MYNN: variants seen among roughly 807,000 people sequenced by gnomAD.
MYNN encodes the protein myoneurin, also known as zinc finger and BTB domain-containing protein 31.
Under a neutral mutation model 57.2 loss-of-function variants are expected in MYNN, and 22 were observed. The observed-to-expected ratio is 0.38, with a 90% confidence interval of 0.27 to 0.55. The LOEUF (loss-of-function observed/expected upper bound fraction) is 0.55. Ranked by LOEUF, MYNN falls within the 20% of genes least tolerant of loss-of-function variation. The probability of loss-of-function intolerance (pLI) is 0.71; values close to 1 mark genes in which losing one functional copy is unlikely to be tolerated. For synonymous variants in MYNN, 241 were observed against 257.1 expected, an observed-to-expected ratio of 0.94 and a Z score of 0.60; for missense variants, 566 against 723.1, an observed-to-expected ratio of 0.78 and a Z score of 2.49.
Position 169,782,655 on chromosome 3 carries a change from A to G in MYNN, c.1399+12A>G. 2.5e-6 allele frequency: 4 copies of G among 1,605,012 alleles called. No homozygotes were observed. Among genetic ancestry groups the G allele is most frequent in the Non-Finnish European group, 2.5e-6 (3 of 1,176,844 alleles). On this transcript the variant is annotated intron_variant, in intron 5 of 7. Transcript: ENST00000349841. The surrounding 1 kb of genome is among the most constrained non-coding windows in gnomAD (Gnocchi z 4.8). ...TCGAAAACATACAGGTAAGTTTGACAGGGAGAGACTGCTTAAAATAAAGTT... is the reference window on the plus strand; with the variant it reads ...TCGAAAACATACAGGTAAGTTTGACGGGGAGAGACTGCTTAAAATAAAGTT...
At chr3:169,784,525 A>T in intron 6 of MYNN, 97 bp from the exon 7 acceptor site, 1 of 723,106 alleles carries the variant, frequency 1.4e-6, no homozygotes, top group Non-Finnish European at 2.3e-6. Flanking sequence ...TTTAAACACT[A>T]TAATAATTTT....
rs1778722584 is a variant in MYNN at position 169,788,080 on chromosome 3, AAT to A, written c.*1405_*1406del. 6.6e-6 allele frequency: 1 copy of A among 151,984 alleles called. No individual in the cohort carries two copies. The highest frequency in any genetic ancestry group is 2.4e-5 in the African/African-American group (1 of 41,388). 9.4% of individuals were successfully genotyped at this position (151,984 alleles called of 1,614,324 possible). ...TTTAAACTACACCTGTAGTACAGTT[AAT>A]ATGTTTTTTATTGGTATTGATTTCT... is the stretch of plus-strand genomic sequence containing the variant. On this transcript the variant is annotated 3_prime_UTR_variant, in exon 8 of 8. Transcript: ENST00000349841.
intron 7 of MYNN, among the ~76,000 whole-genome samples, chr3:169,785,221 G>C (rs1218564391): frequency 6.6e-6 from 1 of 151,974 alleles, no homozygotes; most frequent in Non-Finnish European, 1.5e-5. Flanking sequence ...TCTTGAAAAA[G>C]TTTCCCTGTG....
intron 7 of MYNN, among the ~76,000 whole-genome samples, chr3:169,785,984 A>G (rs1778665579): frequency 6.6e-6 from 1 of 152,060 alleles, no homozygotes. Context: ...TGAAAAGAGT[A>G]TTTCTTATCA....
chr3:169,773,437 T>C lies in MYNN; in HGVS notation c.-57T>C, dbSNP rs986562535. On this transcript the variant is annotated 5_prime_UTR_variant, in exon 1 of 8. Coordinates refer to ENST00000349841, the MANE Select transcript of MYNN (RefSeq NM_018657.5). ...GATGGCGGAGACAGAGTGAAGAAAC[T>C]GTGTTCCCCCCTTGGGTTGCTATCG... 1 of 152,264 alleles carries C rather than the reference T, an allele frequency of 6.6e-6. No individual in the cohort carries two copies. Among genetic ancestry groups the C allele is most frequent in the South Asian group, 2.1e-4 (1 of 4,832 alleles). The allele number at this position is 152,264 out of a possible 1,614,324, so 9.4% of individuals were successfully genotyped here. A position where few individuals can be genotyped will look rare whatever the true frequency, so the allele number is the denominator to read the frequency against.
Position 169,779,309 on chromosome 3 carries a change from A to G in MYNN, c.808A>G (p.Lys270Glu). The G allele has an allele frequency of 2.5e-6, 4 of 1,614,200 alleles. No individual in the cohort carries two copies. The highest frequency in any genetic ancestry group is 3.4e-6 in the Non-Finnish European group (4 of 1,180,044). Residue 270 changes from lysine to glutamate, a missense_variant, in exon 3 of 8, where the codon AAA becomes GAA. By Grantham distance (56) the Lys-to-Glu change is moderately conservative. This residue lies in a region of MYNN where 261 missense variants were observed against 280.8 expected (regional missense o/e 0.93). Coordinates refer to ENST00000349841, the MANE Select transcript of MYNN (RefSeq NM_018657.5). ...RGKSQPNCAL[K>E]EHSMSNIASV... ...AAAATCACAGCCAAACTGTGCTCTG[A>G]AAGAACACTCTATGTCTAATATAGC...
At position 169,787,089 on chromosome 3, in the gene MYNN, G is replaced by A. The variant is rs1262930098; in HGVS notation, c.*411G>A. 1.2e-5 allele frequency: 2 copies of A among 169,504 alleles called. No homozygotes were observed. The highest frequency in any genetic ancestry group is 4.8e-5 in the African/African-American group (2 of 41,796). 10.5% of individuals were successfully genotyped at this position (169,504 alleles called of 1,614,324 possible). On this transcript the variant is annotated 3_prime_UTR_variant, in exon 8 of 8. Transcript: ENST00000349841. Reference sequence around the variant, plus strand: ...AATCCACGATAGTATCAGCCCAAGAGTGTGTTGCTATTTGTAAGCCCCATG... The same window carrying A: ...AATCCACGATAGTATCAGCCCAAGAATGTGTTGCTATTTGTAAGCCCCATG...
At chr3:169,780,180 C>G (rs923916802) in intron 3 of MYNN, 2 of 156,112 alleles carry the variant, frequency 1.3e-5, no homozygotes, top group Non-Finnish European at 2.8e-5. Context: ...GCCTCAGCCT[C>G]CCGAGTAGCT....
Position 169,773,429 on chromosome 3 carries a change from G to T in MYNN, c.-65G>T, listed in dbSNP as rs1176901762. On this transcript the variant is annotated 5_prime_UTR_variant, in exon 1 of 8. It removes the in-frame stop codon of an upstream open reading frame in the 5' UTR. Coordinates refer to ENST00000349841, the MANE Select transcript of MYNN (RefSeq NM_018657.5). ...CCTCCCAAGATGGCGGAGACAGAGT[G>T]AAGAAACTGTGTTCCCCCCTTGGGT... 1 of 152,386 alleles carries T rather than the reference G, an allele frequency of 6.6e-6. No individual in the cohort carries two copies. The highest frequency in any genetic ancestry group is 1.9e-4 in the East Asian group (1 of 5,210). 9.4% of individuals were successfully genotyped at this position (152,386 alleles called of 1,614,324 possible). A position where few individuals can be genotyped will look rare whatever the true frequency, so the allele number is the denominator to read the frequency against.
chr3:169,778,768 T>C lies in MYNN; in HGVS notation c.267T>C (p.Ser89=), dbSNP rs1164648769. 2 of 1,583,818 alleles carry C rather than the reference T, an allele frequency of 1.3e-6. No homozygotes were observed. The highest frequency in any genetic ancestry group is 8.6e-7 in the Non-Finnish European group (1 of 1,168,770). Residue 89 remains serine, a splice_region_variant and synonymous_variant, in exon 3 of 8, where the codon AGT becomes AGC. Coordinates refer to ENST00000349841, the MANE Select transcript of MYNN (RefSeq NM_018657.5). ...GTCATGTAGCCTTGTTTCCTTGCAG[T>C]TGGAATGTTAAAGAAATTCATCAGG... ...FIYTGTLNLD[S]WNVKEIHQAA...
At chr3:169,780,906 T>C (rs1778493102) in intron 4 of MYNN, among the ~76,000 whole-genome samples, 157 bp downstream of exon 4, 1 of 152,096 alleles carries the variant, frequency 6.6e-6, no homozygotes, top group African/African-American at 2.4e-5. Flanking sequence ...GCCACAGTGG[T>C]TGATAGGAAA....
At position 169,779,317 on chromosome 3, in the gene MYNN, CTCTATG is replaced by C. The variant is rs1228526571; in HGVS notation, c.821_826del (p.Met274_Ser275del). 1 of 1,614,172 alleles carries C rather than the reference CTCTATG, an allele frequency of 6.2e-7. No homozygotes were observed. Among genetic ancestry groups the C allele is most frequent in the Non-Finnish European group, 8.5e-7 (1 of 1,180,046 alleles). On this transcript the variant is annotated inframe_deletion, in exon 3 of 8. Transcript: ENST00000349841. ...AGCCAAACTGTGCTCTGAAAGAACACTCTATGTCTAATATAGCCAGCGTCAAGAGTC... is the reference window on the plus strand; with the variant it reads ...AGCCAAACTGTGCTCTGAAAGAACACTCTAATATAGCCAGCGTCAAGAGTC...
intron 5 of MYNN, 28 bp from the exon 6 acceptor site, chr3:169,783,449 A>G: frequency 7.6e-7 from 1 of 1,310,514 alleles, no homozygotes; most frequent in Non-Finnish European, 1.1e-6. Context: ...ATAGTACACC[A>G]CTTCGCTATC....
rs573625472 is a variant in MYNN at position 169,783,191 on chromosome 3, G to A, written c.1400-286G>A. 1.6e-4 allele frequency among the ~76,000 whole-genome samples: 24 copies of A among 152,144 alleles called. 1 individual carries two copies. Among genetic ancestry groups the A allele is most frequent in the African/African-American group, 5.3e-4 (22 of 41,540 alleles). On this transcript the variant is annotated intron_variant, in intron 5 of 7. Coordinates refer to ENST00000349841, the MANE Select transcript of MYNN (RefSeq NM_018657.5). ...AGCAAGAATAGAAATGTGGGTTTATGAATTGACATGTTCTTAATCATATAA... is the reference window on the plus strand; with the variant it reads ...AGCAAGAATAGAAATGTGGGTTTATAAATTGACATGTTCTTAATCATATAA...
rs758316953 is a variant in MYNN at position 169,779,265 on chromosome 3, C to G, written c.764C>G (p.Thr255Arg). The G allele has an allele frequency of 3.1e-6, 5 of 1,614,150 alleles. No individual in the cohort carries two copies. The highest frequency in any genetic ancestry group is 1.1e-5 in the South Asian group (1 of 91,088). ...FPAQDIVHTV[T>R]VKRKRGKSQP... is the part of the protein sequence containing the mutation. Reference sequence around the variant, plus strand: ...GCACAAGATATTGTGCACACTGTTACAGTGAAACGGAAACGTGGAAAATCA... The same window carrying G: ...GCACAAGATATTGTGCACACTGTTAGAGTGAAACGGAAACGTGGAAAATCA... The change falls in exon 3 of 8, where the codon ACA becomes AGA. Residue 255 changes from threonine (T) to arginine (R), a missense_variant. Transcript: ENST00000349841.
At position 169,785,511 on chromosome 3, in the gene MYNN, G is replaced by A. The variant is rs541682001; in HGVS notation, c.1570+803G>A. Reference sequence around the variant, plus strand: ...AATAGGGAAAATGTAGGGCATAATCGACACAAAAGTGCTAAAGAAGATACT... The same window carrying A: ...AATAGGGAAAATGTAGGGCATAATCAACACAAAAGTGCTAAAGAAGATACT... On this transcript the variant is annotated intron_variant, in intron 7 of 7. Coordinates refer to ENST00000349841, the MANE Select transcript of MYNN (RefSeq NM_018657.5). Among the ~76,000 whole-genome samples, 9 of 151,942 alleles carry A rather than the reference G, an allele frequency of 5.9e-5. No individual in the cohort carries two copies. The South Asian group carries it at 1.0e-3, about 18-fold the overall frequency.
At position 169,779,084 on chromosome 3, in the gene MYNN, A is replaced by G. The variant is rs750905911; in HGVS notation, c.583A>G (p.Lys195Glu). The G allele has an allele frequency of 3.1e-6, 5 of 1,614,198 alleles. No homozygotes were observed. The South Asian group carries it at 5.5e-5, about 18-fold the overall frequency. Residue 195 changes from lysine to glutamate, a missense_variant, in exon 3 of 8, where the codon AAA becomes GAA. By Grantham distance (56) the Lys-to-Glu change is moderately conservative. This residue lies in a region of MYNN where 261 missense variants were observed against 280.8 expected (regional missense o/e 0.93). Transcript: ENST00000349841. ...CAACTCCCCGAAAACAGGGCAGAAT[A>G]AAACAGTGCAATATCCCAGTGACAT... Reference protein sequence around the residue: ...AFNSPKTGQNKTVQYPSDILE... With the variant: ...AFNSPKTGQNETVQYPSDILE...
chr3:169,777,861 G>T (rs1420821319), intron 2 of MYNN: 1 of 152,190 alleles, frequency 6.6e-6, no homozygotes, highest in Non-Finnish European at 1.5e-5. Flanking sequence ...GGTTGCTAGA[G>T]AGAGTTTAAC....
Position 169,774,337 on chromosome 3 carries a change from G to C in MYNN, c.42G>C (p.Leu14=). 2.5e-6 allele frequency: 4 copies of C among 1,614,112 alleles called. No individual in the cohort carries two copies. Among genetic ancestry groups the C allele is most frequent in the Non-Finnish European group, 2.5e-6 (3 of 1,179,976 alleles). ...ACTGTGAGCACCTTTTAGAGAGACT[G>C]AACAAACAGCGGGAAGCAGGTTTTC... ...SHHCEHLLER[L]NKQREAGFLC... The change falls in exon 2 of 8, where the codon CTG becomes CTC. Residue 14 remains leucine (L), a synonymous_variant. Coordinates refer to ENST00000349841, the MANE Select transcript of MYNN (RefSeq NM_018657.5).
Sources: allele counts gnomAD v4.1 joint callset (sites outside exome capture counted in the v4.1 genomes callset), GRCh38; gene constraint gnomAD v4.1.1; regional missense constraint gnomAD v4.1.1; non-coding constraint Gnocchi (gnomAD v3.1); transcripts MANE v1.5; gene names NCBI Gene and HGNC (gene_info 2026-07-23, HGNC 2026-07-21).